Variants in KAZN observed in about 807,000 individuals in gnomAD.
The protein encoded by KAZN is kazrin, periplakin interacting protein, also known as kazrin.
KAZN carries 40 observed loss-of-function variants against 87.4 expected under a neutral mutation model. The ratio of observed to expected loss-of-function variants is 0.46; its 90% confidence interval spans 0.36 to 0.60. The LOEUF (loss-of-function observed/expected upper bound fraction) is 0.60, where lower values mean the gene tolerates loss of function less well. Among genes scored for constraint, KAZN ranks in the 20% least tolerant of loss-of-function variants. The pLI is 0.00. For missense variants in KAZN, 898 were observed against 1,073.9 expected (o/e 0.84, Z 2.29); for synonymous variants, 466 against 458.3 (o/e 1.02, Z -0.22).
intron 1 of KAZN, among the ~76,000 whole-genome samples, chr1:14,889,264 T>C (rs930316432): frequency 7.2e-5 from 11 of 152,154 alleles, no homozygotes; most frequent in African/African-American, 2.2e-4. Context: ...AGAAAATATC[T>C]CTGAGAAATA....
chr1:14,837,865 T>C (rs1647456982), intron 1 of KAZN, among the ~76,000 whole-genome samples: 1 of 152,184 alleles, frequency 6.6e-6, no homozygotes, highest in Non-Finnish European at 1.5e-5. Context: ...CATATTCTTT[T>C]GTGTGAATAT....
chr1:14,257,946 A>T (rs1329282954), intron 2 of KAZN, among the ~76,000 whole-genome samples: 6 of 135,290 alleles, frequency 4.4e-5, no homozygotes, highest in South Asian at 2.4e-4. Flanking sequence ...AGTATAATAA[A>T]AAAAAAAAAC....
In KAZN at chr1:15,117,033, A is replaced by G. The variant is rs1274140631; in HGVS notation, c.*2398A>G. 3 of 152,234 alleles carry G rather than the reference A, an allele frequency of 2.0e-5. No individual in the cohort carries two copies. Among genetic ancestry groups the G allele is most frequent in the Non-Finnish European group, 4.4e-5 (3 of 68,048 alleles). 9.4% of individuals were successfully genotyped at this position (152,234 alleles called of 1,614,324 possible). On this transcript the variant is annotated 3_prime_UTR_variant, in exon 15 of 15. Coordinates refer to ENST00000376030, the MANE Select transcript of KAZN (RefSeq NM_201628.3). Reference sequence around the variant, plus strand: ...GTGAGCATTTGGAGCTGGTTTCTCAACATGAGGATGGGTTGGTTGTTAAAT... The same window carrying G: ...GTGAGCATTTGGAGCTGGTTTCTCAGCATGAGGATGGGTTGGTTGTTAAAT...
chr1:14,243,208 C>G (rs1444586028), intron 2 of KAZN, among the ~76,000 whole-genome samples: 2 of 152,146 alleles, frequency 1.3e-5, no homozygotes, highest in East Asian at 3.9e-4. Context: ...CTCCAGAAAC[C>G]CAGCATCTTT....
chr1:14,415,694 A>G (rs1664692895), intron 2 of KAZN, among the ~76,000 whole-genome samples: 2 of 152,150 alleles, frequency 1.3e-5, no homozygotes, highest in Non-Finnish European at 2.9e-5. Context: ...GCAGTTTCCT[A>G]TGGCATTCAG....
chr1:14,863,475 A>G (rs943076848), intron 1 of KAZN, among the ~76,000 whole-genome samples: 6 of 152,144 alleles, frequency 3.9e-5, no homozygotes, highest in African/African-American at 1.4e-4. Context: ...GGCCCAGCCA[A>G]TGGGGTCCCT....
chr1:14,855,295 A>G (rs1649956208), intron 1 of KAZN, among the ~76,000 whole-genome samples: 1 of 152,136 alleles, frequency 6.6e-6, no homozygotes, highest in Non-Finnish European at 1.5e-5. Flanking sequence ...GGGTGGAATG[A>G]TCCTTCCCCA....
chr1:14,709,442 T>A (rs905435199), intron 1 of KAZN, among the ~76,000 whole-genome samples: 1 of 152,148 alleles, frequency 6.6e-6, no homozygotes, highest in African/African-American at 2.4e-5. Context: ...AAAATTCCAA[T>A]GAGGCAGCTC....
chr1:14,676,133 G>T (rs1447664624), intron 1 of KAZN, among the ~76,000 whole-genome samples: 3 of 152,148 alleles, frequency 2.0e-5, no homozygotes, highest in Non-Finnish European at 4.4e-5. Context: ...TTTTTTTCCG[G>T]TTTGAAAGAG....
intron 2 of KAZN, among the ~76,000 whole-genome samples, chr1:14,395,834 G>A (rs1005228614): frequency 2.6e-5 from 4 of 152,106 alleles, no homozygotes; most frequent in African/African-American, 9.7e-5. Flanking sequence ...TGACCAATCA[G>A]AGCAGTGCCA....
chr1:14,282,812 T>A (rs993791173), intron 2 of KAZN, among the ~76,000 whole-genome samples: 9 of 152,292 alleles, frequency 5.9e-5, no homozygotes, highest in African/African-American at 1.9e-4. Flanking sequence ...GGCAACCACC[T>A]AGGGATGCCG....
chr1:14,484,728 A>C (rs1669258823), intron 2 of KAZN, among the ~76,000 whole-genome samples: 1 of 152,186 alleles, frequency 6.6e-6, no homozygotes, highest in Admixed American at 6.5e-5. Flanking sequence ...GAGTTCAGGC[A>C]GCCATGCGAT....
intron 1 of KAZN, among the ~76,000 whole-genome samples, chr1:13,945,685 G>GTGTGTGTGTT (rs1347055947): frequency 1.6e-4 from 22 of 135,262 alleles, no homozygotes; most frequent in African/African-American, 6.2e-4. Context: ...CAGTTTGTGT[G>GTGTGTGTGTT]TGTGTGTGTG....
At chr1:13,924,488 C>G (rs931295177) in intron 1 of KAZN, among the ~76,000 whole-genome samples, 2 of 151,934 alleles carry the variant, frequency 1.3e-5, no homozygotes, top group Non-Finnish European at 2.9e-5. Context: ...ATCTTGGGGC[C>G]CCAATATCAC....
chr1:14,592,837 C>T (rs560650669), intron 2 of KAZN, among the ~76,000 whole-genome samples: 44 of 152,320 alleles, frequency 2.9e-4, no homozygotes, highest in South Asian at 8.3e-4. Flanking sequence ...GTCCCACGTA[C>T]GGATTCCTGG....
chr1:14,543,028 A>C (rs903217075), intron 2 of KAZN, among the ~76,000 whole-genome samples: 1 of 152,146 alleles, frequency 6.6e-6, no homozygotes, highest in African/African-American at 2.4e-5. Flanking sequence ...GGGTGTTTTC[A>C]CATGTTATTG....
chr1:14,336,478 G>C (rs941567533), intron 2 of KAZN, among the ~76,000 whole-genome samples: 1 of 152,122 alleles, frequency 6.6e-6, no homozygotes, highest in African/African-American at 2.4e-5. Flanking sequence ...ATATATCTGG[G>C]AGTCAAATGA....
intron 1 of KAZN, among the ~76,000 whole-genome samples, chr1:13,909,400 A>G (rs749232671): frequency 6.6e-6 from 1 of 152,072 alleles, no homozygotes; most frequent in South Asian, 2.1e-4. Flanking sequence ...GGAGGGAGGT[A>G]TTGATTTCTC....
intron 2 of KAZN, among the ~76,000 whole-genome samples, chr1:14,593,112 A>C (rs1434214270): frequency 6.6e-6 from 1 of 152,266 alleles, no homozygotes; most frequent in African/African-American, 2.4e-5. Flanking sequence ...CCATGTGCAG[A>C]TACCAGTACC....
Sources: gnomAD v4.1 joint callset for allele counts (sites outside exome capture counted in the v4.1 genomes callset) on GRCh38, gnomAD v4.1.1 for gene constraint, MANE v1.5 for transcripts, NCBI Gene and HGNC (gene_info 2026-07-23, HGNC 2026-07-21) for gene names.